The following NEDD1 variants were observed in gnomAD, a reference collection of about 807,000 sequenced individuals.
The protein encoded by NEDD1 is NEDD1 gamma-tubulin ring complex targeting factor, also known as protein NEDD1.
NEDD1 carries 33 observed loss-of-function variants against 74.0 expected under a neutral mutation model. That is an observed-to-expected ratio of 0.45 (90% CI 0.34 to 0.60). NEDD1 has a LOEUF of 0.60. NEDD1 is among the 20% of genes least tolerant of loss of function. NEDD1 has a pLI of 0.01. For synonymous variants in NEDD1, 250 were observed against 264.4 expected (o/e 0.95, Z 0.53); for missense variants, 746 against 776.5 (o/e 0.96, Z 0.47).
intron 9 of NEDD1, among the ~76,000 whole-genome samples, chr12:96,938,130 T>G (rs1216084677): frequency 2.0e-5 from 3 of 150,758 alleles, no homozygotes; most frequent in Admixed American, 6.6e-5. Flanking sequence ...TTTATTGGTG[T>G]TTTTTTTTAG....
chr12:96,943,322 C>G (rs1378766257), intron 11 of NEDD1, among the ~76,000 whole-genome samples: 2 of 152,092 alleles, frequency 1.3e-5, no homozygotes, highest in African/African-American at 4.8e-5. Context: ...GAAGCCTTAC[C>G]ACTCTGGGAG....
intron 5 of NEDD1, among the ~76,000 whole-genome samples, chr12:96,918,022 T>G (rs1874655945): frequency 6.6e-6 from 1 of 152,182 alleles, no homozygotes. Context: ...CATTTTTTCC[T>G]AAACTATGGT....
At chr12:96,912,686 T>C (rs1157312225) in intron 3 of NEDD1, 37 bp from the exon 4 acceptor site, 1 of 946,970 alleles carries the variant, frequency 1.1e-6, no homozygotes. Context: ...CTATAGATGT[T>C]CATGGATTGT....
chr12:96,925,586 TC>T (rs1348610088), intron 6 of NEDD1, among the ~76,000 whole-genome samples: 1 of 152,152 alleles, frequency 6.6e-6, no homozygotes, highest in African/African-American at 2.4e-5. Flanking sequence ...GTGAAAAGCT[TC>T]TGGAAACTTT....
chr12:96,945,737 C>T lies in NEDD1; in HGVS notation c.1699C>T (p.Leu567Phe). 1 of 1,606,344 alleles carries T rather than the reference C, an allele frequency of 6.2e-7. No homozygotes were observed. The highest frequency in any genetic ancestry group is 2.2e-5 in the East Asian group (1 of 44,822). Residue 567 changes from leucine to phenylalanine, a missense_variant, in exon 14 of 16, where the codon CTC becomes TTC. Coordinates refer to ENST00000266742, the MANE Select transcript of NEDD1 (RefSeq NM_152905.4). ...SSVTAGVASS[L>F]SEKIADSIGN... ...TGTCACTGCTGGAGTTGCCAGTTCA[C>T]TCTCAGAAAAAATAGCCGACAGCAT...
At chr12:96,949,617 A>G (rs927534313) in intron 14 of NEDD1, among the ~76,000 whole-genome samples, 1 of 152,142 alleles carries the variant, frequency 6.6e-6, no homozygotes, top group African/African-American at 2.4e-5. Flanking sequence ...GAGAAGAATA[A>G]GGTTGAAGGG....
At chr12:96,932,463 A>AAAAAAAAAT in intron 6 of NEDD1, among the ~76,000 whole-genome samples, 4 of 9,442 alleles carry the variant, frequency 4.2e-4, no homozygotes, top group African/African-American at 1.3e-3. Context: ...AAAAAAAAAA[A>AAAAAAAAAT]ATATATATAT....
rs370055157 is a variant in NEDD1, at chr12:96,909,746, T to C, written c.-8-6T>C. 6.9e-6 allele frequency: 11 copies of C among 1,605,202 alleles called. No individual in the cohort carries two copies. The highest frequency in any genetic ancestry group is 9.4e-6 in the Non-Finnish European group (11 of 1,175,292). On this transcript the variant is annotated splice_region_variant and splice_polypyrimidine_tract_variant and intron_variant, in intron 2 of 15. Coordinates refer to ENST00000266742, the MANE Select transcript of NEDD1 (RefSeq NM_152905.4). Reference sequence around the variant, plus strand: ...TTTAAAATACATTGTTTTAAACTATTTGTAGGCGCAGTCATGCAGGAAAAC... The same window carrying C: ...TTTAAAATACATTGTTTTAAACTATCTGTAGGCGCAGTCATGCAGGAAAAC...
intron 13 of NEDD1, 54 bp downstream of exon 13, chr12:96,944,849 C>G: frequency 7.7e-7 from 1 of 1,299,774 alleles, no homozygotes; most frequent in Non-Finnish European, 1.0e-6. Context: ...AAAATCATCC[C>G]CATTATTTAA....
chr12:96,938,079 T>C (rs1268593955), intron 9 of NEDD1, among the ~76,000 whole-genome samples: 2 of 152,054 alleles, frequency 1.3e-5, no homozygotes, highest in African/African-American at 4.8e-5. Flanking sequence ...CATATATCCA[T>C]GTCTTTTAAA....
chr12:96,940,551 G>C lies in NEDD1; in HGVS notation c.1246+14G>C, dbSNP rs749826269. 6.3e-7 allele frequency: 1 copy of C among 1,579,406 alleles called. No homozygotes were observed. The highest frequency in any genetic ancestry group is 8.6e-7 in the Non-Finnish European group (1 of 1,156,946). ...CTATCAGAGATGGTAAGTCTGTTCA[G>C]AGGATCCTGTTCTCTTGCTGGTAGT... is the stretch of plus-strand genomic sequence containing the variant. On this transcript the variant is annotated intron_variant, in intron 10 of 15. Transcript: ENST00000266742.
At chr12:96,918,140 T>C (rs1043073175) in intron 5 of NEDD1, among the ~76,000 whole-genome samples, 15 of 151,976 alleles carry the variant, frequency 9.9e-5, no homozygotes, top group African/African-American at 3.4e-4. Context: ...TTTTTAGTTA[T>C]GTAGTATATT....
At chr12:96,948,368 T>A (rs533069964) in intron 14 of NEDD1, among the ~76,000 whole-genome samples, 1 of 152,258 alleles carries the variant, frequency 6.6e-6, no homozygotes, top group South Asian at 2.1e-4. Context: ...TTACTTGGCT[T>A]TTAAAAATCT....
At position 96,951,844 on chromosome 12, in the gene NEDD1, G is replaced by A. The variant is rs1878733592; in HGVS notation, c.1879-105G>A. 7 of 646,074 alleles carry A rather than the reference G, an allele frequency of 1.1e-5. No individual in the cohort carries two copies. In the South Asian group the frequency reaches 1.3e-4, roughly 12 times the overall value. 40.0% of individuals were successfully genotyped at this position (646,074 alleles called of 1,614,324 possible). ...AAGTACAAGAAATATCATTCACCTAGTTAATTGAACATGAGAGAAATGATA... is the reference window on the plus strand; with the variant it reads ...AAGTACAAGAAATATCATTCACCTAATTAATTGAACATGAGAGAAATGATA... On this transcript the variant is annotated intron_variant, in intron 15 of 15. Transcript: ENST00000266742.
At chr12:96,932,254 G>C (rs1349874141) in intron 6 of NEDD1, among the ~76,000 whole-genome samples, 1 of 149,628 alleles carries the variant, frequency 6.7e-6, no homozygotes, top group African/African-American at 2.5e-5. Context: ...TCTGGAACAA[G>C]ATAGGGAGTT....
At chr12:96,942,711 G>A (rs1203627488) in intron 11 of NEDD1, 87 bp downstream of exon 11, 1 of 720,346 alleles carries the variant, frequency 1.4e-6, no homozygotes, top group Non-Finnish European at 2.5e-6. Context: ...AACACTTTGA[G>A]GCTTAAAAAA....
chr12:96,948,511 T>C (rs1878409311), intron 14 of NEDD1, among the ~76,000 whole-genome samples: 1 of 152,196 alleles, frequency 6.6e-6, no homozygotes, highest in Non-Finnish European at 1.5e-5. Flanking sequence ...TAGATTTCTT[T>C]CCATTCTCAG....
chr12:96,931,902 T>TA (rs892166258), intron 6 of NEDD1, among the ~76,000 whole-genome samples: 1 of 152,054 alleles, frequency 6.6e-6, no homozygotes, highest in East Asian at 1.9e-4. Context: ...TTCTTTGTGA[T>TA]AAAAAAAATT....
intron 14 of NEDD1, among the ~76,000 whole-genome samples, chr12:96,950,075 T>A (rs532828769): frequency 4.6e-5 from 7 of 152,044 alleles, no homozygotes; most frequent in South Asian, 2.1e-4. Flanking sequence ...GCAGTTCTCA[T>A]ATAAATAACA....
Sources: gnomAD v4.1 joint callset for allele counts (sites outside exome capture counted in the v4.1 genomes callset) on GRCh38, gnomAD v4.1.1 for gene constraint, MANE v1.5 for transcripts, NCBI Gene and HGNC (gene_info 2026-07-23, HGNC 2026-07-21) for gene names.